The following SH3BP4 variants were observed in gnomAD, a reference collection of about 807,000 sequenced individuals.
SH3BP4 encodes SH3 domain-binding protein 4.
SH3BP4 carries 33 observed loss-of-function variants against 65.5 expected under a neutral mutation model. That is an observed-to-expected ratio of 0.50 (90% confidence interval 0.38 to 0.67). SH3BP4 has a LOEUF of 0.67. SH3BP4 is among the 30% of genes least tolerant of loss of function. The pLI is 0.00. For synonymous variants in SH3BP4, 552 were observed against 545.5 expected (o/e 1.01, Z -0.17); for missense variants, 1,134 against 1,261.4 (o/e 0.90, Z 1.53).
At chr2:234,971,565 A>T (rs1464978447) in intron 1 of SH3BP4, among the ~76,000 whole-genome samples, 1 of 152,138 alleles carries the variant, frequency 6.6e-6, no homozygotes, top group Non-Finnish European at 1.5e-5. Flanking sequence ...AGGCACTTCC[A>T]TATTGTTTTC....
chr2:234,959,018 G>C (rs2106239211), intron 1 of SH3BP4, among the ~76,000 whole-genome samples: 1 of 152,184 alleles, frequency 6.6e-6, no homozygotes. Context: ...GGAAGCATTG[G>C]GTGTGAATAG....
In SH3BP4 at chr2:235,045,271, C is replaced by T. The variant is rs1357226448; in HGVS notation, c.2478+2024C>T. ...ATTGCTGAGCCCAGGACACTCACCT[C>T]GACGTTGCACCAGAGGTGGAAAAAT... is the stretch of plus-strand genomic sequence containing the variant. On this transcript the variant is annotated intron_variant, in intron 4 of 5. Coordinates refer to ENST00000392011, the MANE Select transcript of SH3BP4 (RefSeq NM_014521.3). The surrounding 1 kb of genome is among the most constrained non-coding windows in gnomAD (Gnocchi z 4.3). 6.6e-6 allele frequency among the ~76,000 whole-genome samples: 1 copy of T among 152,164 alleles called. No individual in the cohort carries two copies. Among genetic ancestry groups the T allele is most frequent in the South Asian group, 2.1e-4 (1 of 4,826 alleles).
chr2:234,966,849 T>TAAAA (rs1280425118), intron 1 of SH3BP4, among the ~76,000 whole-genome samples: 2 of 152,164 alleles, frequency 1.3e-5, no homozygotes, highest in African/African-American at 4.8e-5. Flanking sequence ...GCAGAAAATG[T>TAAAA]AAAAAAAGCT....
chr2:234,967,261 G>A lies in SH3BP4; in HGVS notation c.-207+15091G>A, dbSNP rs151138096. Among the ~76,000 whole-genome samples the A allele has an allele frequency of 0.01, 1,594 of 152,292 alleles. 12 individuals are homozygous for A. The highest frequency in any genetic ancestry group is 0.016 in the Non-Finnish European group (1,111 of 68,028). ...CCAGGGTGAACAAGGTGCTTAACCGGGACCAGACTGGGGAGCAGGATGGGG... is the reference window on the plus strand; with the variant it reads ...CCAGGGTGAACAAGGTGCTTAACCGAGACCAGACTGGGGAGCAGGATGGGG... On this transcript the variant is annotated intron_variant, in intron 1 of 5. Transcript: ENST00000392011. This position sits in a 1 kb window ranked among gnomAD's most constrained non-coding sequence, Gnocchi z 4.6.
intron 2 of SH3BP4, among the ~76,000 whole-genome samples, chr2:235,007,636 G>A (rs534423058): frequency 5.3e-5 from 8 of 152,230 alleles, no homozygotes; most frequent in Non-Finnish European, 1.0e-4. Context: ...TGGTTTTGGA[G>A]GAAGGAGGAA....
intron 1 of SH3BP4, among the ~76,000 whole-genome samples, chr2:234,959,809 G>C (rs1320582001): frequency 6.6e-6 from 1 of 152,060 alleles, no homozygotes; most frequent in Non-Finnish European, 1.5e-5. Context: ...ATGCCACCAT[G>C]CCTGGCTAAT....
At chr2:235,019,331 C>T (rs1180701370) in intron 2 of SH3BP4, among the ~76,000 whole-genome samples, 1 of 151,708 alleles carries the variant, frequency 6.6e-6, no homozygotes, top group Admixed American at 6.6e-5. Context: ...CTGGCGATCA[C>T]ACTGACTGGA....
chr2:235,040,884 A>C lies in SH3BP4; in HGVS notation c.119-4A>C, dbSNP rs1269776506. ...ACCATCTGTTTTCTTTGTGTTTTGC[A>C]CAGTGCCTTCTCCCAGTGCCTTGCT... On this transcript the variant is annotated splice_region_variant and splice_polypyrimidine_tract_variant and intron_variant, in intron 3 of 5. Transcript: ENST00000392011. 6.2e-7 allele frequency: 1 copy of C among 1,607,516 alleles called. No individual in the cohort carries two copies. Among genetic ancestry groups the C allele is most frequent in the Admixed American group, 1.7e-5 (1 of 59,912 alleles).
chr2:235,041,999 A>G lies in SH3BP4; in HGVS notation c.1230A>G (p.Thr410=), dbSNP rs1454703350. 6.2e-7 allele frequency: 1 copy of G among 1,613,792 alleles called. No homozygotes were observed. Among genetic ancestry groups the G allele is most frequent in the East Asian group, 2.2e-5 (1 of 44,856 alleles). The change falls in exon 4 of 6, where the codon ACA becomes ACG. Residue 410 remains threonine (T), a synonymous_variant. Coordinates refer to ENST00000392011, the MANE Select transcript of SH3BP4 (RefSeq NM_014521.3). The surrounding 1 kb of genome is among the most constrained non-coding windows in gnomAD (Gnocchi z 6.0). ...EIKNDLFSKS[T]VGLQCLRSDS... ...AAAATGACCTTTTTAGCAAAAGCAC[A>G]GTGGGCCTCCAGTGCCTGAGGAGCG...
chr2:235,004,714 C>A (rs1188128329), intron 2 of SH3BP4, among the ~76,000 whole-genome samples: 1 of 152,198 alleles, frequency 6.6e-6, no homozygotes, highest in African/African-American at 2.4e-5. Context: ...AATCCCATTC[C>A]TTTTTATGGC....
chr2:235,038,341 A>ATATAT (rs1351475999), intron 3 of SH3BP4, among the ~76,000 whole-genome samples: 640 of 16,850 alleles, frequency 0.038, 36 homozygotes, highest in East Asian at 0.12. Context: ...TATATATAGT[A>ATATAT]TATATATTTT....
In SH3BP4 at chr2:234,970,255, G is replaced by A. The variant is rs116653214; in HGVS notation, c.-207+18085G>A. Among the ~76,000 whole-genome samples the A allele has an allele frequency of 2.7e-3, 417 of 152,314 alleles. 1 individual carries two copies. The highest frequency in any genetic ancestry group is 9.4e-3 in the African/African-American group (392 of 41,578). The stretch of plus-strand genomic sequence containing the variant: ...CTGATGCCGAAGGACTGGCCGGATG[G>A]AATCTTAAATGTAGAGAAGCCTTAA... On this transcript the variant is annotated intron_variant, in intron 1 of 5. Transcript: ENST00000392011.
rs1693955314 is a variant in SH3BP4 at position 234,997,319 on chromosome 2, A to G, written c.-133+1943A>G. ...CTGGGGGTCAGTGAGAGACACGGCT[A>G]CCCAGGGTTTCCATTTCCAGGCCCC... On this transcript the variant is annotated intron_variant, in intron 2 of 5. Coordinates refer to ENST00000392011, the MANE Select transcript of SH3BP4 (RefSeq NM_014521.3). The surrounding 1 kb of genome is among the most constrained non-coding windows in gnomAD (Gnocchi z 4.2). 6.6e-6 allele frequency among the ~76,000 whole-genome samples: 1 copy of G among 152,184 alleles called. No individual in the cohort carries two copies. The highest frequency in any genetic ancestry group is 1.5e-5 in the Non-Finnish European group (1 of 68,020).
rs116416216 is a variant in SH3BP4 at position 235,034,535 on chromosome 2, C to T, written c.-132-336C>T. On this transcript the variant is annotated intron_variant, in intron 2 of 5. Coordinates refer to ENST00000392011, the MANE Select transcript of SH3BP4 (RefSeq NM_014521.3). This position sits in a 1 kb window ranked among gnomAD's most constrained non-coding sequence, Gnocchi z 6.2. ...TAGCAGCATGAACTGTACAGTCCTG[C>T]GCTGTCCTCCTCTTTGACTGTAATG... 1.2e-3 allele frequency among the ~76,000 whole-genome samples: 183 copies of T among 152,334 alleles called. No homozygotes were observed. The highest frequency in any genetic ancestry group is 3.8e-3 in the African/African-American group (158 of 41,578).
rs368444142 is a variant in SH3BP4, at chr2:234,975,950, C to T, written c.-206-19353C>T. ...TTAGCTTCTCTCTAACCTCTAGTGGCTTCCCCACTTCTCTGCCTAAAAGAA... is the reference window on the plus strand; with the variant it reads ...TTAGCTTCTCTCTAACCTCTAGTGGTTTCCCCACTTCTCTGCCTAAAAGAA... On this transcript the variant is annotated intron_variant, in intron 1 of 5. Transcript: ENST00000392011. Among the ~76,000 whole-genome samples the T allele has an allele frequency of 3.9e-4, 60 of 152,344 alleles. 1 individual carries two copies. The East Asian group carries it at 0.01, about 25-fold the overall frequency.
Position 234,974,886 on chromosome 2 carries a change from TG to T in SH3BP4, c.-206-20416del, listed in dbSNP as rs1219176076. On this transcript the variant is annotated intron_variant, in intron 1 of 5. Coordinates refer to ENST00000392011, the MANE Select transcript of SH3BP4 (RefSeq NM_014521.3). The surrounding 1 kb of genome is among the most constrained non-coding windows in gnomAD (Gnocchi z 4.6). ...GGTCGCGTTTCACCCTGGCACGCCC[TG>T]CCTGCCCCGTTACGTGGCGATTTGT... 6.6e-6 allele frequency among the ~76,000 whole-genome samples: 1 copy of T among 152,174 alleles called. No individual in the cohort carries two copies. The highest frequency in any genetic ancestry group is 1.5e-5 in the Non-Finnish European group (1 of 68,026).
At chr2:234,962,591 G>A (rs1304855399) in intron 1 of SH3BP4, among the ~76,000 whole-genome samples, 3 of 152,134 alleles carry the variant, frequency 2.0e-5, no homozygotes, top group African/African-American at 7.2e-5. Context: ...TACCACCCAT[G>A]ATGACCACTC....
chr2:235,022,422 G>A (rs6710682), intron 2 of SH3BP4, among the ~76,000 whole-genome samples: 3,979 of 152,066 alleles, frequency 0.026, 187 homozygotes, highest in African/African-American at 0.091. Context: ...GTGTGGTGGC[G>A]CACACCTGTG....
At chr2:235,051,460 G>C (rs1696051551) in intron 4 of SH3BP4, among the ~76,000 whole-genome samples, 1 of 152,192 alleles carries the variant, frequency 6.6e-6, no homozygotes, top group African/African-American at 2.4e-5. Context: ...GGTTGTTCCA[G>C]CCTCAGCTGG....
Sources: gnomAD v4.1 joint callset for allele counts (sites outside exome capture counted in the v4.1 genomes callset) on GRCh38, gnomAD v4.1.1 for gene constraint, Gnocchi (gnomAD v3.1) non-coding constraint, MANE v1.5 for transcripts, NCBI Gene and HGNC (gene_info 2026-07-23, HGNC 2026-07-21) for gene names.